The following TAP1 variants were observed in gnomAD, a reference collection of about 807,000 sequenced individuals.
The protein encoded by TAP1 is antigen peptide transporter 1.
Under a neutral mutation model 79.3 loss-of-function variants are expected in TAP1, and 56 were observed. The observed-to-expected ratio is 0.71, with a 90% CI of 0.57 to 0.88. The LOEUF is 0.88. TAP1 is among the 40% of genes least tolerant of loss of function. The probability of loss-of-function intolerance (pLI) is 0.00; values close to 1 mark genes in which losing one functional copy is unlikely to be tolerated. For synonymous variants in TAP1, 355 were observed against 401.4 expected (o/e 0.88, Z 1.38); for missense variants, 737 against 936.3 (o/e 0.79, Z 2.78).
rs776434022 is a variant in TAP1 at position 32,853,661 on chromosome 6, C to T, written c.-25G>A. 6.2e-7 allele frequency: 1 copy of T among 1,600,252 alleles called. No homozygotes were observed. The highest frequency in any genetic ancestry group is 8.5e-7 in the Non-Finnish European group (1 of 1,175,268). ...TTGGCACTCGGACGCCGTCCCGGTCCCGGCCGGGCCTGGGACTCTCCGCGC... is the reference window on the plus strand; with the variant it reads ...TTGGCACTCGGACGCCGTCCCGGTCTCGGCCGGGCCTGGGACTCTCCGCGC... On this transcript the variant is annotated 5_prime_UTR_variant, in exon 1 of 11. Coordinates refer to ENST00000354258, the MANE Select transcript of TAP1 (RefSeq NM_000593.6). The surrounding 1 kb of genome is among the most constrained non-coding windows in gnomAD (Gnocchi z 8.3).
At position 32,847,634 on chromosome 6, in the gene TAP1, A is replaced by C. The variant is rs368026868; in HGVS notation, c.1782T>G (p.Ser594Arg). The C allele has an allele frequency of 3.1e-6, 5 of 1,613,828 alleles. No homozygotes were observed. Among genetic ancestry groups the C allele is most frequent in the East Asian group, 2.2e-5 (1 of 44,900 alleles). ...VGQEPQVFGR[S>R]LQENIAYGLT... The stretch of plus-strand genomic sequence containing the variant: ...GGCCATAGGCAATATTTTCTTGAAG[A>C]CTTCTTCCAAATACCTGTGGCTCTT... The change falls in exon 9 of 11, where the codon AGT becomes AGG. Residue 594 changes from serine to arginine, a missense_variant. Transcript: ENST00000354258. This position sits in a 1 kb window ranked among gnomAD's most constrained non-coding sequence, Gnocchi z 4.7.
chr6:32,846,728 A>T (rs532055617), intron 10 of TAP1, among the ~76,000 whole-genome samples: 1 of 152,162 alleles, frequency 6.6e-6, no homozygotes, highest in East Asian at 1.9e-4. Context: ...CTGAGGGGAG[A>T]ATCGCTTGAG....
At position 32,845,648 on chromosome 6, in the gene TAP1, G is replaced by C; in HGVS notation, c.2178C>G (p.His726Gln). Residue 726 changes from histidine (H) to glutamine (Q), a missense_variant, in exon 11 of 11, where the codon CAC becomes CAG. This residue lies in a region of TAP1 where 266 missense variants were observed against 332.4 expected (regional missense o/e 0.80). Transcript: ENST00000354258. This position sits in a 1 kb window ranked among gnomAD's most constrained non-coding sequence, Gnocchi z 4.5. ...EGGAIREGGT[H>Q]QQLMEKKGCY... is the part of the protein sequence containing the mutation. ...ACCCCTTTTTCTCCATGAGCTGCTG[G>C]TGGGTTCCCCCCTCCCGGATAGCGC... is the stretch of plus-strand genomic sequence containing the variant. 1.2e-6 allele frequency: 2 copies of C among 1,613,106 alleles called. No homozygotes were observed. Among genetic ancestry groups the C allele is most frequent in the Non-Finnish European group, 1.7e-6 (2 of 1,180,038 alleles).
chr6:32,847,029 T>C lies in TAP1; in HGVS notation c.2040+39A>G, dbSNP rs1562363133. 1.9e-6 allele frequency: 3 copies of C among 1,609,446 alleles called. No individual in the cohort carries two copies. Among genetic ancestry groups the C allele is most frequent in the Admixed American group, 1.7e-5 (1 of 60,022 alleles). On this transcript the variant is annotated intron_variant, in intron 10 of 10. Transcript: ENST00000354258. This position sits in a 1 kb window ranked among gnomAD's most constrained non-coding sequence, Gnocchi z 4.7. ...CAGAAGATGTATAAAAGAAGCAAGA[T>C]TGGGTGGGATATAGCCATTAAGAAG...
In TAP1 at chr6:32,851,660, G is replaced by A. The variant is rs1464703493; in HGVS notation, c.844+449C>T. 1.3e-5 allele frequency among the ~76,000 whole-genome samples: 2 copies of A among 152,192 alleles called. No individual in the cohort carries two copies. Among genetic ancestry groups the A allele is most frequent in the East Asian group, 1.9e-4 (1 of 5,200 alleles). On this transcript the variant is annotated intron_variant, in intron 3 of 10. Coordinates refer to ENST00000354258, the MANE Select transcript of TAP1 (RefSeq NM_000593.6). The surrounding 1 kb of genome is among the most constrained non-coding windows in gnomAD (Gnocchi z 4.8). ...AGAGACCAGGGTTCTAACCCCAAGTGTGTCTCTAGCCATATGTAACTGTGC... is the reference window on the plus strand; with the variant it reads ...AGAGACCAGGGTTCTAACCCCAAGTATGTCTCTAGCCATATGTAACTGTGC...
intron 5 of TAP1, chr6:32,849,467 C>T (rs1285607506): frequency 1.1e-5 from 4 of 371,852 alleles, no homozygotes; most frequent in East Asian, 6.5e-5. Flanking sequence ...ACCAGTCGGG[C>T]GCAGTGGCTC....
rs1372183067 is a variant in TAP1, at chr6:32,849,059, A to G, written c.1308T>C (p.Ser436=). The change falls in exon 6 of 11, where the codon AGT becomes AGC. Residue 436 remains serine (S), a synonymous_variant. Coordinates refer to ENST00000354258, the MANE Select transcript of TAP1 (RefSeq NM_000593.6). The part of the protein sequence containing the change: ...ILYIGGQLVT[S]GAVSSGNLVT... ...CAAGGTTCCCACTGCTTACAGCCCC[A>G]CTGGTCACCAGCTGCCCACCAATGT... 1.2e-6 allele frequency: 2 copies of G among 1,601,362 alleles called. No homozygotes were observed. Among genetic ancestry groups the G allele is most frequent in the South Asian group, 2.3e-5 (2 of 88,848 alleles).
Position 32,851,276 on chromosome 6 carries a change from C to T in TAP1, c.845-127G>A. On this transcript the variant is annotated intron_variant, in intron 3 of 10. Coordinates refer to ENST00000354258, the MANE Select transcript of TAP1 (RefSeq NM_000593.6). This position sits in a 1 kb window ranked among gnomAD's most constrained non-coding sequence, Gnocchi z 4.8. ...GGGGTTCTAAGGAGGCTGCAGGAAA[C>T]AAGGTTAGGGTTCTCCAGAGGTCTG... 1 of 903,704 alleles carries T rather than the reference C, an allele frequency of 1.1e-6. No individual in the cohort carries two copies. Among genetic ancestry groups the T allele is most frequent in the Non-Finnish European group, 1.8e-6 (1 of 565,432 alleles). 56.0% of individuals were successfully genotyped at this position (903,704 alleles called of 1,614,324 possible).
rs141273059 is a variant in TAP1, at chr6:32,851,907, T to TTGTG, written c.844+198_844+201dup. Among the ~76,000 whole-genome samples the TTGTG allele has an allele frequency of 7.2e-5, 10 of 139,034 alleles. No individual in the cohort carries two copies. The highest frequency in any genetic ancestry group is 2.1e-4 in the East Asian group (1 of 4,744). The allele number at this position is 139,034 out of a possible 152,430, so 91.2% of individuals were successfully genotyped here. ...GGTATATCAAGAATGAGAAAAACAA[T>TTGTG]TGTGTGTGTGTGTGTGTGAGAGAGA... On this transcript the variant is annotated intron_variant, in intron 3 of 10. Coordinates refer to ENST00000354258, the MANE Select transcript of TAP1 (RefSeq NM_000593.6). This position sits in a 1 kb window ranked among gnomAD's most constrained non-coding sequence, Gnocchi z 4.8.
chr6:32,853,130 A>C lies in TAP1; in HGVS notation c.507T>G (p.Ser169=). The C allele has an allele frequency of 6.2e-7, 1 of 1,612,760 alleles. No homozygotes were observed. Among genetic ancestry groups the C allele is most frequent in the Non-Finnish European group, 8.5e-7 (1 of 1,179,962 alleles). The change falls in exon 1 of 11, where the codon TCT becomes TCG. Residue 169 remains serine (S), a synonymous_variant. Coordinates refer to ENST00000354258, the MANE Select transcript of TAP1 (RefSeq NM_000593.6). This position sits in a 1 kb window ranked among gnomAD's most constrained non-coding sequence, Gnocchi z 8.3. ...SLWVPGGQGG[S]GNPVRRLLGC... is the part of the protein sequence containing the mutation. Reference sequence around the variant, plus strand: ...CTAGAAGCCGACGCACAGGGTTTCCAGAGCCGCCCTGACCGCCGGGCACCC... The same window carrying C: ...CTAGAAGCCGACGCACAGGGTTTCCCGAGCCGCCCTGACCGCCGGGCACCC...
In TAP1 at chr6:32,850,061, T is replaced by C; in HGVS notation, c.1248+259A>G. ...GAGAGGCAAAGGAAGGCCCTAGGAC[T>C]GGAAGACACGCATCTCTCCAATCCA... On this transcript the variant is annotated intron_variant, in intron 5 of 10. Coordinates refer to ENST00000354258, the MANE Select transcript of TAP1 (RefSeq NM_000593.6). This position sits in a 1 kb window ranked among gnomAD's most constrained non-coding sequence, Gnocchi z 5.5. 1.7e-6 allele frequency: 1 copy of C among 583,738 alleles called. No homozygotes were observed. The highest frequency in any genetic ancestry group is 2.9e-5 in the East Asian group (1 of 34,202). 36.2% of individuals were successfully genotyped at this position (583,738 alleles called of 1,614,324 possible).
In TAP1 at chr6:32,852,898, G is replaced by A; in HGVS notation, c.598+141C>T. 2 of 1,452,160 alleles carry A rather than the reference G, an allele frequency of 1.4e-6. No individual in the cohort carries two copies. Among genetic ancestry groups the A allele is most frequent in the East Asian group, 5.0e-5 (2 of 40,250 alleles). The allele number at this position is 1,452,160 out of a possible 1,614,324, so 90.0% of individuals were successfully genotyped here. On this transcript the variant is annotated intron_variant, in intron 1 of 10. Coordinates refer to ENST00000354258, the MANE Select transcript of TAP1 (RefSeq NM_000593.6). The surrounding 1 kb of genome is among the most constrained non-coding windows in gnomAD (Gnocchi z 4.8). ...AGTGCCGTTTCTTCTACACCGAAGT[G>A]GTGTTCCAAGACCCACGCTAGGAGT...
In TAP1 at chr6:32,848,557, A is replaced by G. The variant is rs552680687; in HGVS notation, c.1566+95T>C. The G allele has an allele frequency of 2.9e-5, 38 of 1,330,434 alleles. No individual in the cohort carries two copies. The South Asian group carries it at 4.3e-4, about 15-fold the overall frequency. 82.4% of individuals were successfully genotyped at this position (1,330,434 alleles called of 1,614,324 possible). Reference sequence around the variant, plus strand: ...GCCTTTAAAGGGTTAGGGAGGATATATGCTTGGCAGTAAGCAGGCTGAAGG... The same window carrying G: ...GCCTTTAAAGGGTTAGGGAGGATATGTGCTTGGCAGTAAGCAGGCTGAAGG... On this transcript the variant is annotated intron_variant, in intron 7 of 10. Transcript: ENST00000354258.
At position 32,851,199 on chromosome 6, in the gene TAP1, G is replaced by A; in HGVS notation, c.845-50C>T. On this transcript the variant is annotated intron_variant, in intron 3 of 10. Coordinates refer to ENST00000354258, the MANE Select transcript of TAP1 (RefSeq NM_000593.6). The surrounding 1 kb of genome is among the most constrained non-coding windows in gnomAD (Gnocchi z 4.8). ...GAGGTGAATCAGACAGGTTCCAAGTGATGAGACGAACTAACAATGAGCCAG... is the reference window on the plus strand; with the variant it reads ...GAGGTGAATCAGACAGGTTCCAAGTAATGAGACGAACTAACAATGAGCCAG... 5.1e-6 allele frequency: 8 copies of A among 1,576,498 alleles called. No individual in the cohort carries two copies. Among genetic ancestry groups the A allele is most frequent in the South Asian group, 1.1e-5 (1 of 89,218 alleles).
At position 32,847,420 on chromosome 6, in the gene TAP1, A is replaced by G. The variant is rs1288767499; in HGVS notation, c.1903+93T>C. 1.3e-6 allele frequency: 2 copies of G among 1,575,984 alleles called. No individual in the cohort carries two copies. The highest frequency in any genetic ancestry group is 4.5e-4 in the Middle Eastern group (2 of 4,472). On this transcript the variant is annotated intron_variant, in intron 9 of 10. Transcript: ENST00000354258. The surrounding 1 kb of genome is among the most constrained non-coding windows in gnomAD (Gnocchi z 4.7). Reference sequence around the variant, plus strand: ...ATCTTACAACTTCAAATTGATGTCCATGAGTAAGGAGGAACTGAAGGATAA... The same window carrying G: ...ATCTTACAACTTCAAATTGATGTCCGTGAGTAAGGAGGAACTGAAGGATAA...
chr6:32,853,397 A>G lies in TAP1; in HGVS notation c.240T>C (p.Val80=). ...LGACGVLRAT[V]GSKSENAGAQ... ...CACCTGCGTTTTCGCTCTTGGAGCC[A>G]ACCGTTGCCCTGAGGACCCCGCAGG... The change falls in exon 1 of 11, where the codon GTT becomes GTC. Residue 80 remains valine, a synonymous_variant. Transcript: ENST00000354258. The surrounding 1 kb of genome is among the most constrained non-coding windows in gnomAD (Gnocchi z 8.3). 1 of 1,608,990 alleles carries G rather than the reference A, an allele frequency of 6.2e-7. No homozygotes were observed. Among genetic ancestry groups the G allele is most frequent in the Non-Finnish European group, 8.5e-7 (1 of 1,178,212 alleles).
chr6:32,852,313 A>G lies in TAP1; in HGVS notation c.714-74T>C. On this transcript the variant is annotated intron_variant, in intron 2 of 10. Coordinates refer to ENST00000354258, the MANE Select transcript of TAP1 (RefSeq NM_000593.6). This position sits in a 1 kb window ranked among gnomAD's most constrained non-coding sequence, Gnocchi z 4.8. ...GACTGAAGGTCCCAGGTATCCCCAT[A>G]TAAGTGCATTTCGGACAGCAGCCCC... The G allele has an allele frequency of 2.5e-6, 4 of 1,612,860 alleles. No individual in the cohort carries two copies. Among genetic ancestry groups the G allele is most frequent in the Non-Finnish European group, 3.4e-6 (4 of 1,179,914 alleles).
chr6:32,853,122 G>C lies in TAP1; in HGVS notation c.515C>G (p.Pro172Arg), dbSNP rs1366406125. ...VPGGQGGSGN[P>R]VRRLLGCLGS... ...CAGGCAGCCTAGAAGCCGACGCACAGGGTTTCCAGAGCCGCCCTGACCGCC... is the reference window on the plus strand; with the variant it reads ...CAGGCAGCCTAGAAGCCGACGCACACGGTTTCCAGAGCCGCCCTGACCGCC... Residue 172 changes from proline to arginine, a missense_variant, in exon 1 of 11, where the codon CCT becomes CGT. Transcript: ENST00000354258. This position sits in a 1 kb window ranked among gnomAD's most constrained non-coding sequence, Gnocchi z 8.3. 8.7e-6 allele frequency: 14 copies of C among 1,612,726 alleles called. No homozygotes were observed. The highest frequency in any genetic ancestry group is 8.5e-6 in the Non-Finnish European group (10 of 1,180,000).
chr6:32,848,582 G>T, intron 7 of TAP1, 70 bp downstream of exon 7: 3 of 1,537,460 alleles, frequency 2.0e-6, no homozygotes, highest in Non-Finnish European at 2.7e-6. Flanking sequence ...CAGGCTGAAG[G>T]CAGGAAGAAA....
Sources: gnomAD v4.1 joint callset for allele counts (sites outside exome capture counted in the v4.1 genomes callset) on GRCh38, gnomAD v4.1.1 for gene constraint, gnomAD v4.1.1 regional missense constraint, Gnocchi (gnomAD v3.1) non-coding constraint, MANE v1.5 for transcripts, NCBI Gene and HGNC (gene_info 2026-07-23, HGNC 2026-07-21) for gene names.